Variants in TNXB observed in about 807,000 individuals in gnomAD.
TNXB encodes the protein tenascin XB.
TNXB carries 183 observed loss-of-function variants against 340.5 expected under a neutral mutation model. That is an observed-to-expected ratio of 0.54 (90% CI 0.48 to 0.61). TNXB has a LOEUF of 0.61. Among genes scored for constraint, TNXB ranks in the 20% least tolerant of loss-of-function variants. TNXB has a pLI of 0.00. For synonymous variants in TNXB, 2,121 were observed against 2,314.5 expected, an observed-to-expected ratio of 0.92 and a Z score of 2.40; for missense variants, 4,613 against 5,446.4, an observed-to-expected ratio of 0.85 and a Z score of 4.82.
chr6:32,055,929 C>T lies in TNXB; in HGVS notation c.8389G>A (p.Gly2797Arg), dbSNP rs747680383. Residue 2797 changes from glycine (G) to arginine (R), a missense_variant, in exon 24 of 44, where the codon GGG becomes AGG. This residue lies in a region of TNXB where 4,327 missense variants were observed against 4,859.4 expected (regional missense o/e 0.89). Transcript: ENST00000644971. ...TACAGGTGCATCTTGTATTTGCGCC[C>T]GGGCTCCAGGCCCCCCACGGTGACC... ...SEVTVGGLEPGRKYKMHLYGL... is the reference protein window; with the variant it reads ...SEVTVGGLEPRRKYKMHLYGL... 9.3e-6 allele frequency: 15 copies of T among 1,613,534 alleles called. No individual in the cohort carries two copies. The highest frequency in any genetic ancestry group is 4.4e-5 in the South Asian group (4 of 91,074).
rs1206504326 is a variant in TNXB at position 32,041,579 on chromosome 6, C to T, written c.12634-129G>A. The T allele has an allele frequency of 4.1e-5, 44 of 1,062,048 alleles. 8 individuals carry two copies. The African/African-American group carries it at 6.8e-4, about 16-fold the overall frequency. 65.8% of individuals were successfully genotyped at this position (1,062,048 alleles called of 1,614,324 possible). A position where few individuals can be genotyped will look rare whatever the true frequency, so the allele number is the denominator to read the frequency against. ...GAGCTCCCTTCCTGACCCTCCGCTG[C>T]AGAGGATTGAGGCTTAATTCTGAGC... On this transcript the variant is annotated intron_variant, in intron 43 of 43. Transcript: ENST00000644971.
intron 24 of TNXB, among the ~76,000 whole-genome samples, chr6:32,054,076 C>T (rs922363859): frequency 3.3e-5 from 5 of 152,170 alleles, no homozygotes; most frequent in African/African-American, 1.2e-4. Flanking sequence ...GCTCAGCACA[C>T]TCCTCCCGAG....
At chr6:32,093,869 C>G (rs917911530) in intron 4 of TNXB, among the ~76,000 whole-genome samples, 6 of 151,894 alleles carry the variant, frequency 4.0e-5, no homozygotes, top group Admixed American at 3.9e-4. Context: ...GCGGGCAGAT[C>G]ACTTGAGCCC....
Position 32,096,159 on chromosome 6 carries a change from C to G in TNXB, c.1694G>C (p.Gly565Ala), listed in dbSNP as rs752314278. 6.3e-7 allele frequency: 1 copy of G among 1,582,238 alleles called. No individual in the cohort carries two copies. Among genetic ancestry groups the G allele is most frequent in the African/African-American group, 1.3e-5 (1 of 74,188 alleles). ...CCGCCCATCTAGGCACTGGCCGCGG[C>G]CTCGGCAGCCCCCGGGGCAGCTGCG... ...STRSCPGGCR[G>A]RGQCLDGRCV... Residue 565 changes from glycine (G) to alanine (A), a missense_variant, in exon 3 of 44, where the codon GGC becomes GCC. Coordinates refer to ENST00000644971, the MANE Select transcript of TNXB (RefSeq NM_001365276.2).
intron 25 of TNXB, 21 bp downstream of exon 25, chr6:32,053,367 G>T (rs1429487111): frequency 6.2e-7 from 1 of 1,606,954 alleles, no homozygotes; most frequent in Non-Finnish European, 8.5e-7. Context: ...CCCCACTCTG[G>T]GGCTCCCATC....
chr6:32,066,390 T>A (rs1371963882), intron 18 of TNXB, among the ~76,000 whole-genome samples: 1 of 151,786 alleles, frequency 6.6e-6, no homozygotes, highest in Non-Finnish European at 1.5e-5. Context: ...TGGGAATTTG[T>A]CTCAAAAAAA....
chr6:32,088,969 A>G lies in TNXB; in HGVS notation c.2595T>C (p.Ala865=). 6.2e-7 allele frequency: 1 copy of G among 1,610,674 alleles called. No individual in the cohort carries two copies. The highest frequency in any genetic ancestry group is 1.1e-5 in the South Asian group (1 of 90,336). The change falls in exon 6 of 44, where the codon GCT becomes GCC. Residue 865 remains alanine (A), a synonymous_variant. Transcript: ENST00000644971. ...TLELGWLRPQ[A]EVDRFVVSYV... ...AGGACACCACAAATCGGTCCACCTC[A>G]GCCTGGGGACGCAGCCAGCCAAGCT...
At position 32,090,583 on chromosome 6, in the gene TNXB, C is replaced by A. The variant is rs1780030237; in HGVS notation, c.2359-1204G>T. 2.0e-5 allele frequency among the ~76,000 whole-genome samples: 3 copies of A among 152,194 alleles called. No individual in the cohort carries two copies. Among genetic ancestry groups the A allele is most frequent in the Admixed American group, 2.0e-4 (3 of 15,284 alleles). On this transcript the variant is annotated intron_variant, in intron 4 of 43. Coordinates refer to ENST00000644971, the MANE Select transcript of TNXB (RefSeq NM_001365276.2). The surrounding 1 kb of genome is among the most constrained non-coding windows in gnomAD (Gnocchi z 4.3). ...AAATTTCAAAAGGTACTCTCCTAAA[C>A]CAAGAGAACTGTGGGGAAATCAACA...
At position 32,065,107 on chromosome 6, in the gene TNXB, C is replaced by G; in HGVS notation, c.6555G>C (p.Glu2185Asp). 1 of 1,575,508 alleles carries G rather than the reference C, an allele frequency of 6.3e-7. No homozygotes were observed. Among genetic ancestry groups the G allele is most frequent in the Non-Finnish European group, 8.6e-7 (1 of 1,159,550 alleles). The change falls in exon 19 of 44, where the codon GAG (glutamate) becomes GAC (aspartate). Residue 2185 changes from glutamate to aspartate, a missense_variant. By Grantham distance (45) the Glu-to-Asp change is conservative. Transcript: ENST00000644971. ...TTGCAAGAGGAGCATCAGGGGACTC[C>G]TCTTCGGGGGCTAGGAAGAGATAGA... The part of the protein sequence containing the change: ...VSAVGVTAPE[E>D]ESPDAPLAKL...
chr6:32,073,758 G>C lies in TNXB; in HGVS notation c.4570C>G (p.Gln1524Glu), dbSNP rs753387674. Reference sequence around the variant, plus strand: ...AGGTTGTAGACTGTGACCTCTCGCTGGTCTGCCGCCACCGGCACCACCTGG... The same window carrying C: ...AGGTTGTAGACTGTGACCTCTCGCTCGTCTGCCGCCACCGGCACCACCTGG... ...QPQVVPVAAD[Q>E]REVTVYNLEP... Residue 1524 changes from glutamine to glutamate, a missense_variant, in exon 12 of 44, where the codon CAG becomes GAG. By Grantham distance (29) the Gln-to-Glu change is conservative. Transcript: ENST00000644971. The surrounding 1 kb of genome is among the most constrained non-coding windows in gnomAD (Gnocchi z 4.6). 2 of 1,612,502 alleles carry C rather than the reference G, an allele frequency of 1.2e-6. No homozygotes were observed. Among genetic ancestry groups the C allele is most frequent in the Admixed American group, 1.7e-5 (1 of 59,894 alleles).
At position 32,050,140 on chromosome 6, in the gene TNXB, C is replaced by T; in HGVS notation, c.9297G>A (p.Gly3099=). ...HFLVQYRNGD[G]QPKAVRVPGH... is the part of the protein sequence containing the mutation. ...CCGGCACCCGCACCGCCTTGGGCTG[C>T]CCATCCCCATTCCTGTACTGGACCA... The change falls in exon 27 of 44, where the codon GGG becomes GGA. Residue 3099 remains glycine (G), a synonymous_variant. Coordinates refer to ENST00000644971, the MANE Select transcript of TNXB (RefSeq NM_001365276.2). 6.2e-7 allele frequency: 1 copy of T among 1,613,858 alleles called. No individual in the cohort carries two copies. Among genetic ancestry groups the T allele is most frequent in the Non-Finnish European group, 8.5e-7 (1 of 1,179,886 alleles).
chr6:32,092,094 G>A (rs1489563510), intron 4 of TNXB, among the ~76,000 whole-genome samples: 1 of 152,166 alleles, frequency 6.6e-6, no homozygotes, highest in Non-Finnish European at 1.5e-5. Flanking sequence ...TTGCAAAATA[G>A]CAACATTCCT....
In TNXB at chr6:32,097,032, T is replaced by A. The variant is rs1011215184; in HGVS notation, c.821A>T (p.Asp274Val). The change falls in exon 3 of 44, where the codon GAC (aspartate) becomes GTC (valine). Residue 274 changes from aspartate (D) to valine (V), a missense_variant. By Grantham distance (152) the Asp-to-Val change is radical. Coordinates refer to ENST00000644971, the MANE Select transcript of TNXB (RefSeq NM_001365276.2). This position sits in a 1 kb window ranked among gnomAD's most constrained non-coding sequence, Gnocchi z 5.9. ...CVCDPGYTGD[D>V]CGMRSCPRGC... ...GCGAGGGCAGCTCCTCATGCCACAG[T>A]CGTCACCAGTGTAGCCTGGGTCACA... is the stretch of plus-strand genomic sequence containing the variant. The A allele has an allele frequency of 6.2e-7, 1 of 1,612,400 alleles. No individual in the cohort carries two copies. The highest frequency in any genetic ancestry group is 8.5e-7 in the Non-Finnish European group (1 of 1,179,488).
In TNXB at chr6:32,046,099, C is replaced by A; in HGVS notation, c.10606+76G>T. 6.5e-7 allele frequency: 1 copy of A among 1,527,748 alleles called. No homozygotes were observed. Among genetic ancestry groups the A allele is most frequent in the Non-Finnish European group, 8.8e-7 (1 of 1,135,708 alleles). The allele number at this position is 1,527,748 out of a possible 1,614,324, so 94.6% of individuals were successfully genotyped here. A position where few individuals can be genotyped will look rare whatever the true frequency, so the allele number is the denominator to read the frequency against. On this transcript the variant is annotated intron_variant, in intron 31 of 43. Coordinates refer to ENST00000644971, the MANE Select transcript of TNXB (RefSeq NM_001365276.2). This position sits in a 1 kb window ranked among gnomAD's most constrained non-coding sequence, Gnocchi z 6.9. ...ACTCCGGCCTGCCCACTCCTGCAGT[C>A]ATCTTTGTCTTCAGCCCAAATGCAC...
chr6:32,043,534 C>T lies in TNXB; in HGVS notation c.11553G>A (p.Leu3851=), dbSNP rs1212125102. 3 of 923,584 alleles carry T rather than the reference C, an allele frequency of 3.2e-6. No homozygotes were observed. The South Asian group carries it at 4.1e-5, about 13-fold the overall frequency. 57.2% of individuals were successfully genotyped at this position (923,584 alleles called of 1,614,324 possible). A position where few individuals can be genotyped will look rare whatever the true frequency, so the allele number is the denominator to read the frequency against. The change falls in exon 36 of 44, where the codon TTG becomes TTA. Residue 3851 remains leucine, a synonymous_variant. Coordinates refer to ENST00000644971, the MANE Select transcript of TNXB (RefSeq NM_001365276.2). The part of the protein sequence containing the change: ...LTTVPDGPTQ[L]RALNLTEGFA... ...ATCCCTCGGTCAAGTTCAGTGCACG[C>T]AACTGTGTGGGACCGTCAGGAACTG...
rs939675983 is a variant in TNXB, at chr6:32,067,476, A to C, written c.6544+185T>G. 6.6e-6 allele frequency among the ~76,000 whole-genome samples: 1 copy of C among 152,018 alleles called. No homozygotes were observed. Among genetic ancestry groups the C allele is most frequent in the Non-Finnish European group, 1.5e-5 (1 of 67,990 alleles). On this transcript the variant is annotated intron_variant, in intron 18 of 43. Coordinates refer to ENST00000644971, the MANE Select transcript of TNXB (RefSeq NM_001365276.2). The surrounding 1 kb of genome is among the most constrained non-coding windows in gnomAD (Gnocchi z 4.2). ...GCCTCAGTCCCTGGGGGCCTTTCCC[A>C]TATGGCTCCGACACTTCTCCTGGAT...
Position 32,095,640 on chromosome 6 carries a change from T to C in TNXB, c.2213A>G (p.Asp738Gly). Residue 738 changes from aspartate to glycine, a missense_variant, in exon 3 of 44, where the codon GAT becomes GGT. This residue lies in a region of TNXB where 4,327 missense variants were observed against 4,859.4 expected (regional missense o/e 0.89). Coordinates refer to ENST00000644971, the MANE Select transcript of TNXB (RefSeq NM_001365276.2). ...TCCGCAGTCTTCGCCAGCATACCCA[T>C]CTTTGCAGACACAGCTGCCATCGTG... ...ECHDGSCVCK[D>G]GYAGEDCGEE... 3 of 1,613,778 alleles carry C rather than the reference T, an allele frequency of 1.9e-6. No homozygotes were observed. Among genetic ancestry groups the C allele is most frequent in the Non-Finnish European group, 2.5e-6 (3 of 1,179,740 alleles).
At position 32,089,153 on chromosome 6, in the gene TNXB, C is replaced by T. The variant is rs1055791678; in HGVS notation, c.2515+70G>A. 1.2e-5 allele frequency: 19 copies of T among 1,563,188 alleles called. No homozygotes were observed. The highest frequency in any genetic ancestry group is 4.5e-5 in the East Asian group (2 of 44,316). On this transcript the variant is annotated intron_variant, in intron 5 of 43. Coordinates refer to ENST00000644971, the MANE Select transcript of TNXB (RefSeq NM_001365276.2). This position sits in a 1 kb window ranked among gnomAD's most constrained non-coding sequence, Gnocchi z 6.2. ...ATCCAGCCCCTTCCTTCTGCCCTCC[C>T]GGAGGGCAGATTCCCTCTCTAGTCC...
rs769867610 is a variant in TNXB at position 32,061,758 on chromosome 6, TG to T, written c.7169-39del. On this transcript the variant is annotated intron_variant, in intron 20 of 43. Transcript: ENST00000644971. This position sits in a 1 kb window ranked among gnomAD's most constrained non-coding sequence, Gnocchi z 4.4. ...GACACAGAGAGGATGGCAGGGTCCC[TG>T]GGGGATGTGCTTACGTCGTGGGGAA... is the stretch of plus-strand genomic sequence containing the variant. 6 of 1,598,706 alleles carry T rather than the reference TG, an allele frequency of 3.8e-6. No individual in the cohort carries two copies.
Sources: gnomAD v4.1 joint callset for allele counts (sites outside exome capture counted in the v4.1 genomes callset) on GRCh38, gnomAD v4.1.1 for gene constraint, gnomAD v4.1.1 regional missense constraint, Gnocchi (gnomAD v3.1) non-coding constraint, MANE v1.5 for transcripts, NCBI Gene and HGNC (gene_info 2026-07-23, HGNC 2026-07-21) for gene names.